Variants in PHLPP2 observed in about 807,000 individuals in gnomAD.
The protein encoded by PHLPP2 is PH domain leucine-rich repeat-containing protein phosphatase 2.
A neutral mutation model predicts 124.9 loss-of-function variants in PHLPP2; 66 were observed. The observed-to-expected ratio is 0.53, with a 90% confidence interval of 0.43 to 0.65. PHLPP2 has a LOEUF of 0.65. Among genes scored for constraint, PHLPP2 ranks in the 30% least tolerant of loss-of-function variants. The pLI is 0.00. For missense variants in PHLPP2, 1,685 were observed against 1,600.4 expected (o/e 1.05, Z -0.90); for synonymous variants, 681 against 624.7 (o/e 1.09, Z -1.34).
At chr16:71,706,734 C>T (rs1237241933) in intron 2 of PHLPP2, among the ~76,000 whole-genome samples, 2 of 151,960 alleles carry the variant, frequency 1.3e-5, no homozygotes, top group Non-Finnish European at 2.9e-5. Flanking sequence ...TACATAATGA[C>T]ATCAGGGTAG....
chr16:71,714,448 C>A, intron 2 of PHLPP2, 64 bp downstream of exon 2: 2 of 1,479,412 alleles, frequency 1.4e-6, no homozygotes, highest in Non-Finnish European at 9.0e-7. Flanking sequence ...AAGTCCAGTT[C>A]TAAGCAGAAA....
At chr16:71,711,946 T>C (rs1260521623) in intron 2 of PHLPP2, among the ~76,000 whole-genome samples, 1 of 152,232 alleles carries the variant, frequency 6.6e-6, no homozygotes, top group Non-Finnish European at 1.5e-5. Flanking sequence ...CCAGTTCCTG[T>C]CACAGCTGGC....
intron 12 of PHLPP2, among the ~76,000 whole-genome samples, chr16:71,664,402 T>A (rs1567615059): frequency 6.6e-6 from 1 of 152,200 alleles, no homozygotes; most frequent in African/African-American, 2.4e-5. Context: ...TGAAAGGATG[T>A]TGCTGAATAT....
At chr16:71,716,927 GT>G (rs1196667730) in intron 1 of PHLPP2, among the ~76,000 whole-genome samples, 6 of 152,158 alleles carry the variant, frequency 3.9e-5, no homozygotes, top group African/African-American at 1.4e-4. Context: ...ATGACAATGG[GT>G]TTTATTTATT....
Position 71,652,997 on chromosome 16 carries a change from C to T in PHLPP2, c.2610G>A (p.Lys870=), listed in dbSNP as rs905155488. 2 of 1,612,828 alleles carry T rather than the reference C, an allele frequency of 1.2e-6. No homozygotes were observed. The highest frequency in any genetic ancestry group is 2.7e-5 in the African/African-American group (2 of 74,848). The change falls in exon 18 of 19, where the codon AAG becomes AAA. Residue 870 remains lysine (K), a synonymous_variant. Transcript: ENST00000568954. The stretch of plus-strand genomic sequence containing the variant: ...AGCACAGGAGAGCGGAGGAGCCCAA[C>T]TTCTGGCCAGCCATTCCTAATTTCC... ...SHRKLGMAGQ[K]LGSSALLCYI...
Position 71,664,034 on chromosome 16 carries a change from T to C in PHLPP2, c.1850A>G (p.Glu617Gly). Residue 617 changes from glutamate to glycine, a missense_variant, in exon 13 of 19, where the codon GAG becomes GGG. Glu to Gly is a moderately conservative substitution (Grantham distance 98). Transcript: ENST00000568954. ...ESLPSACTGE[E>G]SLSMLQLLYL... ...AAGCAGCTGCAGCATACTCAAACTCTCCTCTCCAGTGCAGGCGGATGGTAA... is the reference window on the plus strand; with the variant it reads ...AAGCAGCTGCAGCATACTCAAACTCCCCTCTCCAGTGCAGGCGGATGGTAA... The C allele has an allele frequency of 6.2e-7, 1 of 1,613,900 alleles. No homozygotes were observed. The highest frequency in any genetic ancestry group is 8.5e-7 in the Non-Finnish European group (1 of 1,179,814).
chr16:71,659,105 G>A (rs1327881721), intron 13 of PHLPP2, among the ~76,000 whole-genome samples: 1 of 152,172 alleles, frequency 6.6e-6, no homozygotes, highest in Non-Finnish European at 1.5e-5. Context: ...TAGAAAAGGA[G>A]TGGCCTCAAG....
Position 71,724,430 on chromosome 16 carries a change from TTTTAA to T in PHLPP2, c.-113_-109del, listed in dbSNP as rs2045420272. On this transcript the variant is annotated 5_prime_UTR_variant, in exon 1 of 19. Transcript: ENST00000568954. ...AACGTCCGCTCACCTCCCAGCCATGTTTTAATTCCCTTGCCTCCTCCTGGAGCAAA... is the reference window on the plus strand; with the variant it reads ...AACGTCCGCTCACCTCCCAGCCATGTTTCCCTTGCCTCCTCCTGGAGCAAA... 6.6e-6 allele frequency: 1 copy of T among 152,300 alleles called. No individual in the cohort carries two copies. Among genetic ancestry groups the T allele is most frequent in the African/African-American group, 2.4e-5 (1 of 41,466 alleles). 9.4% of individuals were successfully genotyped at this position (152,300 alleles called of 1,614,324 possible). A position where few individuals can be genotyped will look rare whatever the true frequency, so the allele number is the denominator to read the frequency against.
chr16:71,711,573 C>T (rs1466087397), intron 2 of PHLPP2, among the ~76,000 whole-genome samples: 2 of 152,172 alleles, frequency 1.3e-5, no homozygotes, highest in African/African-American at 4.8e-5. Context: ...AGATGCTTAA[C>T]CCTGTGAAAC....
rs35193489 is a variant in PHLPP2, at chr16:71,674,078, C to CT, written c.1472-1757dup. On this transcript the variant is annotated intron_variant, in intron 9 of 18. Coordinates refer to ENST00000568954, the MANE Select transcript of PHLPP2 (RefSeq NM_015020.3). ...TACATTCTGCTTTATATGTGGCAGA[C>CT]TTTTTTTTTTTTTTTTGAGATGGAG... Among the ~76,000 whole-genome samples, 190 of 139,486 alleles carry CT rather than the reference C, an allele frequency of 1.4e-3. 1 individual carries two copies. The highest frequency in any genetic ancestry group is 2.6e-3 in the African/African-American group (99 of 38,300). 91.5% of individuals were successfully genotyped at this position (139,486 alleles called of 152,430 possible). A position where few individuals can be genotyped will look rare whatever the true frequency, so the allele number is the denominator to read the frequency against.
chr16:71,722,282 A>T (rs190526795), intron 1 of PHLPP2, among the ~76,000 whole-genome samples: 24 of 152,128 alleles, frequency 1.6e-4, no homozygotes, highest in African/African-American at 5.8e-4. Context: ...AAATACAAAA[A>T]AATCAGTGGG....
rs1376433826 is a variant in PHLPP2, at chr16:71,649,321, T to C, written c.3541A>G (p.Asn1181Asp). Reference protein sequence around the residue: ...IHCCRGRDLENSPPLIESSPT... With the variant: ...IHCCRGRDLEDSPPLIESSPT... The stretch of plus-strand genomic sequence containing the variant: ...GAACTCTCTATGAGAGGGGGTGAGT[T>C]CTCCAGATCCCTCCCCCTGCAGCAG... Residue 1181 changes from asparagine to aspartate, a missense_variant, in exon 19 of 19, where the codon AAC (asparagine) becomes GAC (aspartate). Coordinates refer to ENST00000568954, the MANE Select transcript of PHLPP2 (RefSeq NM_015020.3). The C allele has an allele frequency of 6.2e-7, 1 of 1,613,696 alleles. No homozygotes were observed. Among genetic ancestry groups the C allele is most frequent in the South Asian group, 1.1e-5 (1 of 91,070 alleles).
intron 1 of PHLPP2, among the ~76,000 whole-genome samples, chr16:71,719,364 C>T (rs1022355643): frequency 2.6e-5 from 4 of 152,054 alleles, no homozygotes; most frequent in Admixed American, 2.0e-4. Flanking sequence ...AGCAAAACCC[C>T]GTCTCTATTA....
intron 3 of PHLPP2, among the ~76,000 whole-genome samples, chr16:71,700,670 T>C (rs2045223898): frequency 6.6e-6 from 1 of 151,730 alleles, no homozygotes; most frequent in Non-Finnish European, 1.5e-5. Context: ...GGACTATAGG[T>C]GCCCGCCACC....
In PHLPP2 at chr16:71,656,626, C is replaced by T. The variant is rs545383090; in HGVS notation, c.2335G>A (p.Val779Ile). The T allele has an allele frequency of 1.1e-5, 17 of 1,613,672 alleles. No homozygotes were observed. Among genetic ancestry groups the T allele is most frequent in the Non-Finnish European group, 1.4e-5 (16 of 1,179,760 alleles). Residue 779 changes from valine to isoleucine, a missense_variant, in exon 16 of 19, where the codon GTT becomes ATT. Physicochemically the swap from Val to Ile is conservative, Grantham distance 29. Transcript: ENST00000568954. ...CCATGGCTCCAGAAGGTTGACGTAA[C>T]TGTAGAATCTGTGGTTGGCAAAGGT... ...QKPLPTTDST[V>I]TSTFWSHGLA...
intron 13 of PHLPP2, among the ~76,000 whole-genome samples, chr16:71,660,292 C>T (rs1418927719): frequency 2.1e-5 from 3 of 140,548 alleles, no homozygotes; most frequent in Non-Finnish European, 3.0e-5. Context: ...AGGTCAGTCG[C>T]TTGAGCCCAG....
At chr16:71,721,814 C>T (rs1336370797) in intron 1 of PHLPP2, among the ~76,000 whole-genome samples, 1 of 152,100 alleles carries the variant, frequency 6.6e-6, no homozygotes, top group Non-Finnish European at 1.5e-5. Flanking sequence ...ATTTACAAAC[C>T]TATGGTCCAG....
chr16:71,653,576 T>C (rs1438110894), intron 17 of PHLPP2, among the ~76,000 whole-genome samples: 1 of 152,182 alleles, frequency 6.6e-6, no homozygotes, highest in East Asian at 1.9e-4. Flanking sequence ...TTGGAAACAA[T>C]GTTAACGAGG....
At chr16:71,676,679 T>C (rs992131374) in intron 8 of PHLPP2, 30 bp from the exon 9 acceptor site, 1 of 1,456,170 alleles carries the variant, frequency 6.9e-7, no homozygotes, top group South Asian at 1.1e-5. Context: ...AAAATAATCA[T>C]AAATAAGAGT....
Sources: allele counts gnomAD v4.1 joint callset (sites outside exome capture counted in the v4.1 genomes callset), GRCh38; gene constraint gnomAD v4.1.1; transcripts MANE v1.5; gene names NCBI Gene and HGNC (gene_info 2026-07-23, HGNC 2026-07-21).